Variants in LZTS1 observed in about 807,000 individuals in gnomAD.
LZTS1 encodes the protein leucine zipper putative tumor suppressor 1.
A neutral mutation model predicts 45.8 loss-of-function variants in LZTS1; 31 were observed. The observed-to-expected ratio is 0.68, with a 90% CI of 0.51 to 0.91. The LOEUF is 0.91. Among genes scored for constraint, LZTS1 ranks in the 40% least tolerant of loss-of-function variants. The probability of loss-of-function intolerance (pLI) is 0.00; values close to 1 mark genes in which losing one functional copy is unlikely to be tolerated. For synonymous variants in LZTS1, 359 were observed against 357.3 expected (o/e 1.00, Z -0.05); for missense variants, 821 against 788.9 (o/e 1.04, Z -0.49).
In LZTS1 at chr8:20,248,919, A is replaced by G. The variant is rs1799806936; in HGVS notation, c.*803T>C. 1 of 152,726 alleles carries G rather than the reference A, an allele frequency of 6.5e-6. No homozygotes were observed. Among genetic ancestry groups the G allele is most frequent in the South Asian group, 2.1e-4 (1 of 4,834 alleles). 9.5% of individuals were successfully genotyped at this position (152,726 alleles called of 1,614,324 possible). A position where few individuals can be genotyped will look rare whatever the true frequency, so the allele number is the denominator to read the frequency against. ...ACGGTGGTTTCAACCCTCCCTTCCCAGCACCCAGCCCAGGGCCTCAGGGTC... is the reference window on the plus strand; with the variant it reads ...ACGGTGGTTTCAACCCTCCCTTCCCGGCACCCAGCCCAGGGCCTCAGGGTC... On this transcript the variant is annotated 3_prime_UTR_variant, in exon 4 of 4. Transcript: ENST00000381569.
chr8:20,268,515 T>A (rs922193419), intron 1 of LZTS1, among the ~76,000 whole-genome samples: 7 of 150,298 alleles, frequency 4.7e-5, no homozygotes, highest in Non-Finnish European at 1.0e-4. Flanking sequence ...CTGCTCTAGA[T>A]GAGGGGGAAA....
chr8:20,252,686 C>G, intron 3 of LZTS1, 96 bp downstream of exon 3: 1 of 1,150,838 alleles, frequency 8.7e-7, no homozygotes, highest in Non-Finnish European at 1.2e-6. Flanking sequence ...CCTGCGCGGT[C>G]TGTGTTTGCA....
chr8:20,295,324 T>G (rs1470176821), intron 1 of LZTS1, among the ~76,000 whole-genome samples: 1 of 152,250 alleles, frequency 6.6e-6, no homozygotes, highest in Non-Finnish European at 1.5e-5. Context: ...CTGGCTGGTC[T>G]GTTCTGCAGT....
At chr8:20,298,720 C>T (rs1801018864) in intron 1 of LZTS1, among the ~76,000 whole-genome samples, 1 of 152,082 alleles carries the variant, frequency 6.6e-6, no homozygotes, top group African/African-American at 2.4e-5. Context: ...AACAATTAGC[C>T]AGGTGTGTTG....
At chr8:20,293,066 A>G (rs1464626644) in intron 1 of LZTS1, among the ~76,000 whole-genome samples, 2 of 152,156 alleles carry the variant, frequency 1.3e-5, no homozygotes, top group African/African-American at 4.8e-5. Flanking sequence ...TTCCCCGGCT[A>G]CAAGAGGTCT....
chr8:20,302,639 C>T (rs1481721343), intron 1 of LZTS1, among the ~76,000 whole-genome samples: 1 of 152,178 alleles, frequency 6.6e-6, no homozygotes, highest in Non-Finnish European at 1.5e-5. Flanking sequence ...GCAGCGCCTG[C>T]CCGGCATGGT....
intron 3 of LZTS1, among the ~76,000 whole-genome samples, chr8:20,251,950 A>G (rs1331980768): frequency 6.6e-6 from 1 of 152,192 alleles, no homozygotes; most frequent in Admixed American, 6.5e-5. Flanking sequence ...GTTGACTTGC[A>G]CATAGCCAGG....
chr8:20,298,207 G>A (rs1297748775), intron 1 of LZTS1, among the ~76,000 whole-genome samples: 5 of 152,030 alleles, frequency 3.3e-5, no homozygotes, highest in African/African-American at 4.8e-5. Context: ...AACTACAGGC[G>A]TGCACCACCA....
chr8:20,291,257 A>G (rs2128898934), intron 1 of LZTS1, among the ~76,000 whole-genome samples: 1 of 152,156 alleles, frequency 6.6e-6, no homozygotes, highest in South Asian at 2.1e-4. Context: ...GTAAACAGAT[A>G]AGAGGGTAAG....
At chr8:20,276,229 T>TA (rs199498590) in intron 1 of LZTS1, among the ~76,000 whole-genome samples, 1 of 105,974 alleles carries the variant, frequency 9.4e-6, no homozygotes, top group Non-Finnish European at 2.0e-5. Context: ...CTAAAATCCT[T>TA]AGAGTCTCCA....
At chr8:20,300,286 C>A (rs1441439187) in intron 1 of LZTS1, among the ~76,000 whole-genome samples, 3 of 152,190 alleles carry the variant, frequency 2.0e-5, no homozygotes, top group East Asian at 3.8e-4. Flanking sequence ...ATTAAACAAG[C>A]ATTTACTAAG....
chr8:20,263,145 G>A (rs1365763618), intron 1 of LZTS1, among the ~76,000 whole-genome samples: 2 of 152,180 alleles, frequency 1.3e-5, no homozygotes, highest in Non-Finnish European at 2.9e-5. Flanking sequence ...CTGCGGGGCT[G>A]GACTCCCAGG....
intron 1 of LZTS1, among the ~76,000 whole-genome samples, chr8:20,268,348 C>T (rs1800404052): frequency 6.6e-6 from 1 of 151,764 alleles, no homozygotes; most frequent in Non-Finnish European, 1.5e-5. Flanking sequence ...CTCTCTGGGG[C>T]TGAATGGGGC....
intron 3 of LZTS1, among the ~76,000 whole-genome samples, chr8:20,250,657 T>C (rs1241039795): frequency 6.6e-6 from 1 of 152,170 alleles, no homozygotes; most frequent in Non-Finnish European, 1.5e-5. Context: ...TAGGCTGGGG[T>C]GTAGTGGCGT....
At chr8:20,273,287 G>C (rs1469895032) in intron 1 of LZTS1, among the ~76,000 whole-genome samples, 1 of 152,056 alleles carries the variant, frequency 6.6e-6, no homozygotes, top group African/African-American at 2.4e-5. Flanking sequence ...TTCTCTAAAT[G>C]TGGATGCTTT....
At position 20,250,082 on chromosome 8, in the gene LZTS1, C is replaced by A. The variant is rs1416561349; in HGVS notation, c.1431G>T (p.Glu477Asp). 1.2e-6 allele frequency: 2 copies of A among 1,606,960 alleles called. No individual in the cohort carries two copies. Among genetic ancestry groups the A allele is most frequent in the Admixed American group, 3.3e-5 (2 of 59,956 alleles). Reference protein sequence around the residue: ...KVNLLEQELQELRAQAALARD... With the variant: ...KVNLLEQELQDLRAQAALARD... Reference sequence around the variant, plus strand: ...GGGCCAGGGCGGCCTGGGCCCGCAGCTCCTGCAGCTCCTGCTCCAGCAGGT... The same window carrying A: ...GGGCCAGGGCGGCCTGGGCCCGCAGATCCTGCAGCTCCTGCTCCAGCAGGT... The change falls in exon 4 of 4, where the codon GAG becomes GAT. Residue 477 changes from glutamate to aspartate, a missense_variant. Transcript: ENST00000381569.
In LZTS1 at chr8:20,253,038, C is replaced by A; in HGVS notation, c.893G>T (p.Arg298Leu). ...CAGCTCGTCCCTGCAGCGCCGCGGC[C>A]GCTCCTCGTAGGCCAGGCTGGAGGC... Reference protein sequence around the residue: ...ELASSLAYEERPRRCRDELEG... With the variant: ...ELASSLAYEELPRRCRDELEG... The change falls in exon 3 of 4, where the codon CGG becomes CTG. Residue 298 changes from arginine (R) to leucine (L), a missense_variant. Coordinates refer to ENST00000381569, the MANE Select transcript of LZTS1 (RefSeq NM_021020.5). The A allele has an allele frequency of 6.2e-7, 1 of 1,603,592 alleles. No individual in the cohort carries two copies. Among genetic ancestry groups the A allele is most frequent in the Non-Finnish European group, 8.5e-7 (1 of 1,176,800 alleles).
rs1346604484 is a variant in LZTS1 at position 20,252,774 on chromosome 8, G to A, written c.1149+8C>T. The A allele has an allele frequency of 2.0e-6, 3 of 1,509,480 alleles. No homozygotes were observed. The South Asian group carries it at 4.0e-5, about 20-fold the overall frequency. The allele number at this position is 1,509,480 out of a possible 1,614,324, so 93.5% of individuals were successfully genotyped here. A position where few individuals can be genotyped will look rare whatever the true frequency, so the allele number is the denominator to read the frequency against. On this transcript the variant is annotated splice_region_variant and intron_variant, in intron 3 of 3. Transcript: ENST00000381569. ...CCACCCAAACCCATGAGCCCTGTGT[G>A]GCCTCACCTCCCACTGGGTCTCCTC...
At position 20,249,825 on chromosome 8, in the gene LZTS1, G is replaced by T; in HGVS notation, c.1688C>A (p.Ala563Asp). The change falls in exon 4 of 4, where the codon GCC becomes GAC. Residue 563 changes from alanine (A) to aspartate (D), a missense_variant. Coordinates refer to ENST00000381569, the MANE Select transcript of LZTS1 (RefSeq NM_021020.5). ...GTCCCCACGTGCCAGCTGCTGCAGG[G>T]CCTTCTCCAGGCGCTGGTTCCGCTG... Reference protein sequence around the residue: ...MYQRNQRLEKALQQLARGDSA... With the variant: ...MYQRNQRLEKDLQQLARGDSA... The T allele has an allele frequency of 6.2e-7, 1 of 1,614,168 alleles. No individual in the cohort carries two copies. Among genetic ancestry groups the T allele is most frequent in the Non-Finnish European group, 8.5e-7 (1 of 1,180,024 alleles).
Sources: gnomAD v4.1 joint callset for allele counts (sites outside exome capture counted in the v4.1 genomes callset) on GRCh38, gnomAD v4.1.1 for gene constraint, MANE v1.5 for transcripts, NCBI Gene and HGNC (gene_info 2026-07-23, HGNC 2026-07-21) for gene names.